The following RPH3AL variants were observed in gnomAD, a reference collection of about 807,000 sequenced individuals.
RPH3AL encodes rab effector Noc2.
Under a neutral mutation model 43.1 loss-of-function variants are expected in RPH3AL, and 38 were observed. That is an observed-to-expected ratio of 0.88 (90% confidence interval 0.68 to 1.15). The LOEUF (loss-of-function observed/expected upper bound fraction) is 1.15. RPH3AL is among the 50% of genes most tolerant of loss of function. The probability of loss-of-function intolerance (pLI) is 0.00; values close to 1 mark genes in which losing one functional copy is unlikely to be tolerated. For missense variants in RPH3AL, 462 were observed against 423.2 expected (o/e 1.09, Z -0.81); for synonymous variants, 189 against 176.3 (o/e 1.07, Z -0.57).
chr17:249,153 T>C (rs543545881), intron 6 of RPH3AL, among the ~76,000 whole-genome samples: 5 of 152,182 alleles, frequency 3.3e-5, no homozygotes, highest in Non-Finnish European at 5.9e-5. Flanking sequence ...TCTTTTCTGA[T>C]GAAGGAAATA....
rs936709346 is a variant in RPH3AL, at chr17:212,885, T to C, written c.*967A>G. 1.3e-5 allele frequency: 2 copies of C among 151,754 alleles called. 1 individual carries two copies. The highest frequency in any genetic ancestry group is 2.9e-5 in the Non-Finnish European group (2 of 67,992). The allele number at this position is 151,754 out of a possible 1,614,324, so 9.4% of individuals were successfully genotyped here. On this transcript the variant is annotated 3_prime_UTR_variant, in exon 10 of 10. Coordinates refer to ENST00000331302, the MANE Select transcript of RPH3AL (RefSeq NM_006987.4). ...CTCTTCAGCAAGTGAGTTCATAGCA[T>C]CCACCAGAGCTTCCCAGCTCCTCAA...
intron 6 of RPH3AL, among the ~76,000 whole-genome samples, chr17:257,173 G>A (rs1426349955): frequency 5.2e-5 from 3 of 57,544 alleles, no homozygotes; most frequent in East Asian, 1.3e-3. Context: ...ACTACCCTAC[G>A]TACTTCCTAT....
chr17:245,530 A>G lies in RPH3AL; in HGVS notation c.613+1581T>C, dbSNP rs2041742964. Among the ~76,000 whole-genome samples the G allele has an allele frequency of 6.6e-6, 1 of 152,024 alleles. No homozygotes were observed. The highest frequency in any genetic ancestry group is 2.4e-5 in the African/African-American group (1 of 41,374). ...CAGACGGGGCAGTGGCAGCTCTTGA[A>G]GTGGGGCATAGGCCACAGCTGCCCC... On this transcript the variant is annotated intron_variant, in intron 7 of 9. Transcript: ENST00000331302. The surrounding 1 kb of genome is among the most constrained non-coding windows in gnomAD (Gnocchi z 5.9).
rs779456707 is a variant in RPH3AL at position 323,913 on chromosome 17, G to T, written c.78-2498C>A. ...CAGGCCCAGACCCTTACAGTCACCC[G>T]GTGAGGTGGGCCCAGACCCTCAGTC... On this transcript the variant is annotated intron_variant, in intron 3 of 9. Coordinates refer to ENST00000331302, the MANE Select transcript of RPH3AL (RefSeq NM_006987.4). The surrounding 1 kb of genome is among the most constrained non-coding windows in gnomAD (Gnocchi z 4.4). Among the ~76,000 whole-genome samples the T allele has an allele frequency of 1.4e-5, 2 of 147,092 alleles. No individual in the cohort carries two copies. The highest frequency in any genetic ancestry group is 1.5e-5 in the Non-Finnish European group (1 of 66,864).
At chr17:257,174 T>C (rs1246945712) in intron 6 of RPH3AL, among the ~76,000 whole-genome samples, 29 of 54,204 alleles carry the variant, frequency 5.4e-4, no homozygotes, top group Admixed American at 3.1e-3. Context: ...CTACCCTACG[T>C]ACTTCCTATG....
chr17:318,494 C>T (rs1328359575), intron 5 of RPH3AL, among the ~76,000 whole-genome samples: 1 of 152,066 alleles, frequency 6.6e-6, no homozygotes, highest in East Asian at 1.9e-4. Flanking sequence ...ATCAGTGTTT[C>T]TCACCTAGGA....
intron 5 of RPH3AL, among the ~76,000 whole-genome samples, chr17:285,870 C>G (rs1049789902): frequency 2.0e-5 from 3 of 152,204 alleles, no homozygotes; most frequent in Admixed American, 2.0e-4. Flanking sequence ...TCTCCACCCC[C>G]ATCCCGTCTA....
At position 352,103 on chromosome 17, in the gene RPH3AL, G is replaced by A. The variant is rs555843179; in HGVS notation, c.-213+609C>T. ...CACTTTATGTTCTGCTTTCTTTGTG[G>A]CCCCTGGGTTTTTCGGCCCCATCTC... On this transcript the variant is annotated intron_variant, in intron 1 of 9. Coordinates refer to ENST00000331302, the MANE Select transcript of RPH3AL (RefSeq NM_006987.4). Among the ~76,000 whole-genome samples the A allele has an allele frequency of 7.9e-5, 12 of 152,278 alleles. No homozygotes were observed. The South Asian group carries it at 2.3e-3, about 29-fold the overall frequency.
intron 7 of RPH3AL, among the ~76,000 whole-genome samples, chr17:240,492 G>C (rs1157680234): frequency 6.6e-6 from 1 of 152,084 alleles, no homozygotes; most frequent in South Asian, 2.1e-4. Flanking sequence ...CCCATCTACT[G>C]TCTGCCTCTG....
chr17:270,772 T>C (rs1031824065), intron 6 of RPH3AL, among the ~76,000 whole-genome samples: 7 of 152,240 alleles, frequency 4.6e-5, no homozygotes, highest in Admixed American at 2.0e-4. Context: ...GGAAGCTCTT[T>C]AGTTTAATTA....
chr17:213,418 C>T lies in RPH3AL; in HGVS notation c.*434G>A, dbSNP rs1346755469. 7.7e-6 allele frequency: 2 copies of T among 259,554 alleles called. No individual in the cohort carries two copies. Among genetic ancestry groups the T allele is most frequent in the Non-Finnish European group, 1.5e-5 (2 of 131,774 alleles). 16.1% of individuals were successfully genotyped at this position (259,554 alleles called of 1,614,324 possible). A position where few individuals can be genotyped will look rare whatever the true frequency, so the allele number is the denominator to read the frequency against. On this transcript the variant is annotated 3_prime_UTR_variant, in exon 10 of 10. Coordinates refer to ENST00000331302, the MANE Select transcript of RPH3AL (RefSeq NM_006987.4). ...CTCACTGCTCTGGCTCTGATGCTCA[C>T]CTCTAAGGGGCCACACGCAGCTTCG...
At chr17:273,128 G>GTCAGGAAGAGACCCCAGCGAGGGTGACT (rs2042549419) in intron 6 of RPH3AL, among the ~76,000 whole-genome samples, 1 of 24,372 alleles carries the variant, frequency 4.1e-5, no homozygotes, top group Non-Finnish European at 1.0e-4. Flanking sequence ...CGAGGGTGAC[G>GTCAGGAAGAGACCCCAGCGAGGGTGACT]TCAGGGAGAG....
chr17:329,235 G>A (rs1176801228), intron 2 of RPH3AL, among the ~76,000 whole-genome samples: 1 of 152,168 alleles, frequency 6.6e-6, no homozygotes. Context: ...CACTTTGGGA[G>A]GCCAAGGCAG....
intron 1 of RPH3AL, among the ~76,000 whole-genome samples, chr17:336,609 G>A (rs949863792): frequency 2.6e-5 from 4 of 152,118 alleles, no homozygotes; most frequent in East Asian, 3.9e-4. Context: ...CCCTCTTCAC[G>A]TACAGCCAGA....
intron 7 of RPH3AL, among the ~76,000 whole-genome samples, chr17:237,540 G>A (rs180874315): frequency 1.6e-4 from 25 of 152,344 alleles, no homozygotes; most frequent in Admixed American, 3.9e-4. Context: ...CCTCCCAGCC[G>A]GAGCTGCCTG....
chr17:218,891 G>T (rs2151497443), intron 8 of RPH3AL, among the ~76,000 whole-genome samples: 1 of 152,294 alleles, frequency 6.6e-6, no homozygotes, highest in Non-Finnish European at 1.5e-5. Flanking sequence ...GTGCAGGGAG[G>T]TCTGCACCTG....
rs1035291655 is a variant in RPH3AL, at chr17:264,082, G to A, written c.439-16797C>T. Among the ~76,000 whole-genome samples the A allele has an allele frequency of 3.9e-5, 6 of 152,192 alleles. No homozygotes were observed. The highest frequency in any genetic ancestry group is 6.5e-5 in the Admixed American group (1 of 15,280). On this transcript the variant is annotated intron_variant, in intron 6 of 9. Transcript: ENST00000331302. The surrounding 1 kb of genome is among the most constrained non-coding windows in gnomAD (Gnocchi z 4.8). ...CAAAGCCACGATTTTGGCCGCGTGC[G>A]ACAAGCCGGACTCTCCAAGAGCCTT...
At chr17:314,434 C>CCATTGACCTGTAGTCTCTA (rs2043783672) in intron 5 of RPH3AL, among the ~76,000 whole-genome samples, 3 of 110,058 alleles carry the variant, frequency 2.7e-5, no homozygotes, top group Non-Finnish European at 3.5e-5. Context: ...TGTAGTCCCT[C>CCATTGACCTGTAGTCTCTA]TGCCCCCACC....
At chr17:248,642 G>C (rs559850558) in intron 6 of RPH3AL, among the ~76,000 whole-genome samples, 5 of 152,124 alleles carry the variant, frequency 3.3e-5, no homozygotes, top group Admixed American at 2.6e-4. Flanking sequence ...GGCTCTGAGG[G>C]GTCCCTCTGT....
Sources: allele counts gnomAD v4.1 joint callset (sites outside exome capture counted in the v4.1 genomes callset), GRCh38; gene constraint gnomAD v4.1.1; non-coding constraint Gnocchi (gnomAD v3.1); transcripts MANE v1.5; gene names NCBI Gene and HGNC (gene_info 2026-07-23, HGNC 2026-07-21).